DAPP1: variants seen among roughly 807,000 people sequenced by gnomAD.
DAPP1 encodes the protein dual adaptor of phosphotyrosine and 3-phosphoinositides 1.
DAPP1 carries 20 observed loss-of-function variants against 41.5 expected under a neutral mutation model. The ratio of observed to expected loss-of-function variants is 0.48; its 90% confidence interval spans 0.34 to 0.70. The LOEUF is 0.70. Among genes scored for constraint, DAPP1 ranks in the 30% least tolerant of loss-of-function variants. The pLI is 0.01. For synonymous variants in DAPP1, 113 were observed against 116.2 expected, an observed-to-expected ratio of 0.97 and a Z score of 0.18; for missense variants, 233 against 333.4, an observed-to-expected ratio of 0.70 and a Z score of 2.35.
chr4:99,827,540 A>C (rs1248566891), intron 1 of DAPP1, among the ~76,000 whole-genome samples: 1 of 122,090 alleles, frequency 8.2e-6, no homozygotes, highest in Non-Finnish European at 1.6e-5. Flanking sequence ...CTCAAAAAAA[A>C]AACAACAAAA....
chr4:99,865,706 T>A (rs1724398711), intron 7 of DAPP1: 1 of 151,532 alleles, frequency 6.6e-6, no homozygotes, highest in Non-Finnish European at 1.5e-5. Flanking sequence ...GTCCTGAACA[T>A]GTTTCTTTCT....
intron 5 of DAPP1, 90 bp from the exon 6 acceptor site, chr4:99,862,920 A>T: frequency 1.0e-6 from 1 of 957,832 alleles, no homozygotes; most frequent in Non-Finnish European, 1.5e-6. Context: ...TACTTTTAAA[A>T]TGAAAGTAAA....
intron 3 of DAPP1, among the ~76,000 whole-genome samples, chr4:99,847,615 C>T (rs1436270468): frequency 6.6e-6 from 1 of 152,136 alleles, no homozygotes; most frequent in African/African-American, 2.4e-5. Context: ...GGTTACTGGT[C>T]TTCCTCATTC....
At chr4:99,837,699 C>G (rs954257337) in intron 2 of DAPP1, among the ~76,000 whole-genome samples, 4 of 152,130 alleles carry the variant, frequency 2.6e-5, no homozygotes. Flanking sequence ...ACCGGAGCAG[C>G]GGCAGATGGT....
intron 4 of DAPP1, among the ~76,000 whole-genome samples, chr4:99,855,000 T>C (rs917850371): frequency 1.3e-5 from 2 of 152,178 alleles, no homozygotes; most frequent in Non-Finnish European, 2.9e-5. Context: ...TCCTCAGAAA[T>C]AAAAATCCTG....
chr4:99,852,343 G>GA (rs1474340430), intron 3 of DAPP1, among the ~76,000 whole-genome samples: 2 of 151,778 alleles, frequency 1.3e-5, no homozygotes, highest in Non-Finnish European at 1.5e-5. Flanking sequence ...ATAGCAAGAA[G>GA]AAAAAAAATC....
At chr4:99,846,140 C>G (rs1265283648) in intron 3 of DAPP1, among the ~76,000 whole-genome samples, 2 of 152,098 alleles carry the variant, frequency 1.3e-5, no homozygotes, top group Admixed American at 6.5e-5. Context: ...AATGGGGAAG[C>G]AAAAACTCAC....
intron 8 of DAPP1, 41 bp from the exon 9 acceptor site, chr4:99,868,076 A>C: frequency 1.3e-6 from 2 of 1,546,782 alleles, no homozygotes; most frequent in Non-Finnish European, 1.8e-6. Flanking sequence ...GTTCATTACA[A>C]TCACTCAATA....
intron 3 of DAPP1, among the ~76,000 whole-genome samples, chr4:99,841,067 A>G (rs1422963767): frequency 6.6e-6 from 1 of 152,242 alleles, no homozygotes; most frequent in Non-Finnish European, 1.5e-5. Context: ...ATGAAGTAAA[A>G]TATCATCCCT....
chr4:99,835,371 A>G (rs1029710238), intron 1 of DAPP1, among the ~76,000 whole-genome samples: 43 of 152,242 alleles, frequency 2.8e-4, no homozygotes, highest in African/African-American at 1.0e-3. Context: ...TGAGGTACTG[A>G]GAGGTTAGCA....
At position 99,831,627 on chromosome 4, in the gene DAPP1, G is replaced by A. The variant is rs113755338; in HGVS notation, c.102-3996G>A. ...TGCTCATGTATGGGTGTTTCACTAG[G>A]TGGAAACTAGAAGAGGAATCGCTGG... On this transcript the variant is annotated intron_variant, in intron 1 of 8. Transcript: ENST00000512369. Among the ~76,000 whole-genome samples, 1,350 of 152,246 alleles carry A rather than the reference G, an allele frequency of 8.9e-3. 19 individuals carry two copies. Among genetic ancestry groups the A allele is most frequent in the African/African-American group, 0.031 (1,296 of 41,534 alleles).
intron 3 of DAPP1, among the ~76,000 whole-genome samples, chr4:99,846,005 G>A (rs998134281): frequency 3.3e-5 from 5 of 152,122 alleles, no homozygotes; most frequent in African/African-American, 4.8e-5. Flanking sequence ...GAAGCTTCTC[G>A]ATGTTTTTTT....
At chr4:99,839,421 TA>T (rs745903099) in intron 2 of DAPP1, among the ~76,000 whole-genome samples, 2 of 149,038 alleles carry the variant, frequency 1.3e-5, no homozygotes, top group South Asian at 2.1e-4. Context: ...TATATATAGA[TA>T]TATATATATT....
chr4:99,830,137 C>T (rs998485639), intron 1 of DAPP1, among the ~76,000 whole-genome samples: 2 of 152,170 alleles, frequency 1.3e-5, no homozygotes, highest in Non-Finnish European at 2.9e-5. Flanking sequence ...AATCCTAGCA[C>T]TTTGGGAGGC....
chr4:99,845,113 C>A (rs1027973272), intron 3 of DAPP1, among the ~76,000 whole-genome samples: 3 of 152,240 alleles, frequency 2.0e-5, no homozygotes, highest in Non-Finnish European at 4.4e-5. Flanking sequence ...CTTATTTCAT[C>A]TCAGCCACCC....
intron 3 of DAPP1, among the ~76,000 whole-genome samples, chr4:99,843,119 C>T (rs1325091395): frequency 6.6e-6 from 1 of 152,186 alleles, no homozygotes; most frequent in African/African-American, 2.4e-5. Flanking sequence ...CCAGACCCCA[C>T]CCAGGCCCAG....
chr4:99,871,074 T>C (rs910542949), downstream of DAPP1, among the ~76,000 whole-genome samples: 1 of 152,148 alleles, frequency 6.6e-6, no homozygotes, highest in African/African-American at 2.4e-5. Flanking sequence ...GCAGGACCCT[T>C]CTTTTCCCAA....
intron 1 of DAPP1, among the ~76,000 whole-genome samples, chr4:99,819,850 T>C (rs1009897977): frequency 2.6e-5 from 4 of 152,100 alleles, no homozygotes; most frequent in Admixed American, 2.0e-4. Context: ...CTCTGGAATA[T>C]GTAAATCCTG....
chr4:99,866,902 T>A (rs1163976967), intron 8 of DAPP1, among the ~76,000 whole-genome samples: 1 of 151,376 alleles, frequency 6.6e-6, no homozygotes, highest in Non-Finnish European at 1.5e-5. Flanking sequence ...CCCGAATAGC[T>A]GGGATTATAG....
Sources: allele counts gnomAD v4.1 joint callset (sites outside exome capture counted in the v4.1 genomes callset), GRCh38; gene constraint gnomAD v4.1.1; transcripts MANE v1.5; gene names NCBI Gene and HGNC (gene_info 2026-07-23, HGNC 2026-07-21).